EXOC5: variants seen among roughly 807,000 people sequenced by gnomAD.
EXOC5 encodes the protein SEC10-like 1.
A neutral mutation model predicts 90.8 loss-of-function variants in EXOC5; 17 were observed. The ratio of observed to expected loss-of-function variants is 0.19; its 90% CI spans 0.13 to 0.28. The LOEUF is 0.28. Ranked by LOEUF, EXOC5 falls within the 10% of genes least tolerant of loss-of-function variation. The pLI is 1.00. For synonymous variants in EXOC5, 260 were observed against 270.0 expected (o/e 0.96, Z 0.36); for missense variants, 569 against 830.6 (o/e 0.69, Z 3.87).
intron 15 of EXOC5, among the ~76,000 whole-genome samples, chr14:57,217,695 A>G (rs958928307): frequency 6.6e-6 from 1 of 152,164 alleles, no homozygotes; most frequent in African/African-American, 2.4e-5. Flanking sequence ...CTAAGTGTTC[A>G]ACTGAAAAAC....
intron 4 of EXOC5, among the ~76,000 whole-genome samples, chr14:57,240,914 A>G (rs577364496): frequency 2.6e-5 from 4 of 151,892 alleles, no homozygotes; most frequent in East Asian, 3.9e-4. Context: ...GTGCGGTGGC[A>G]TGATCTTGGC....
At chr14:57,232,427 G>A (rs1883513631) in intron 10 of EXOC5, 2 of 276,678 alleles carry the variant, frequency 7.2e-6, no homozygotes. Context: ...GCAGATAAAT[G>A]TAATTACACT....
Position 57,209,766 on chromosome 14 carries a change from C to A in EXOC5, c.1739G>T (p.Cys580Phe). ...IQYTNACVKV[C>F]AYVRKQVEKI... ...CTCCACTTGTTTTCTTACGTAAGCA[C>A]AGACTTTTACACAGGCCTATAAAAG... Residue 580 changes from cysteine (C) to phenylalanine (F), a missense_variant, in exon 17 of 18, where the codon TGT (cysteine) becomes TTT (phenylalanine). This residue lies in a region of EXOC5 where 122 missense variants were observed against 180.0 expected (regional missense o/e 0.68). Coordinates refer to ENST00000621441, the MANE Select transcript of EXOC5 (RefSeq NM_006544.4). 6.2e-7 allele frequency: 1 copy of A among 1,609,684 alleles called. No individual in the cohort carries two copies. Among genetic ancestry groups the A allele is most frequent in the South Asian group, 1.1e-5 (1 of 90,508 alleles).
intron 12 of EXOC5, among the ~76,000 whole-genome samples, chr14:57,225,313 T>C (rs186312639): frequency 3.4e-4 from 51 of 152,188 alleles, no homozygotes; most frequent in Admixed American, 2.1e-3. Flanking sequence ...CTCAGCTAAG[T>C]AGGATAAAAT....
chr14:57,264,433 C>T (rs1884609103), intron 1 of EXOC5, among the ~76,000 whole-genome samples: 1 of 152,124 alleles, frequency 6.6e-6, no homozygotes, highest in Non-Finnish European at 1.5e-5. Flanking sequence ...ATTTGGAAGT[C>T]AAACAGCCAT....
chr14:57,240,420 T>A (rs1883825932), intron 4 of EXOC5, among the ~76,000 whole-genome samples: 1 of 152,106 alleles, frequency 6.6e-6, no homozygotes, highest in African/African-American at 2.4e-5. Flanking sequence ...TAGCTGGGAT[T>A]ACAGGCGCAT....
At chr14:57,233,295 T>G (rs1327360244) in intron 9 of EXOC5, 2 of 154,420 alleles carry the variant, frequency 1.3e-5, no homozygotes, top group African/African-American at 4.8e-5. Context: ...GTAAACAGCT[T>G]AGGAAATGTT....
intron 1 of EXOC5, among the ~76,000 whole-genome samples, chr14:57,260,368 C>T (rs1404484577): frequency 1.3e-5 from 2 of 152,160 alleles, no homozygotes; most frequent in African/African-American, 4.8e-5. Flanking sequence ...ACAAACACTA[C>T]AAAATAAATA....
intron 13 of EXOC5, among the ~76,000 whole-genome samples, chr14:57,220,481 A>C (rs1218333820): frequency 1.3e-5 from 2 of 152,170 alleles, no homozygotes; most frequent in Admixed American, 1.3e-4. Context: ...GGCACACACA[A>C]ACAGTCCAGC....
intron 1 of EXOC5, among the ~76,000 whole-genome samples, chr14:57,254,088 C>T (rs925169820): frequency 1.3e-5 from 2 of 152,076 alleles, no homozygotes; most frequent in African/African-American, 4.8e-5. Context: ...GGGCTAAGGA[C>T]TGAACAGATG....
chr14:57,244,488 C>A, intron 3 of EXOC5, 129 bp from the exon 4 acceptor site: 2 of 690,514 alleles, frequency 2.9e-6, no homozygotes, highest in East Asian at 2.6e-5. Context: ...AATTCATGCT[C>A]ATTAGTGTGA....
intron 15 of EXOC5, among the ~76,000 whole-genome samples, chr14:57,210,918 C>T (rs1386016470): frequency 1.3e-5 from 2 of 152,114 alleles, no homozygotes; most frequent in African/African-American, 4.8e-5. Context: ...GAAAAGGTTA[C>T]TCTATCCTAT....
At chr14:57,227,197 C>T (rs1372574005) in intron 12 of EXOC5, among the ~76,000 whole-genome samples, 3 of 152,190 alleles carry the variant, frequency 2.0e-5, no homozygotes, top group East Asian at 3.9e-4. Context: ...TGAAAAGATG[C>T]TCAACATGAA....
intron 5 of EXOC5, among the ~76,000 whole-genome samples, chr14:57,238,409 C>CAT (rs1555328840): frequency 7.5e-5 from 11 of 146,772 alleles, no homozygotes; most frequent in African/African-American, 2.5e-4. Flanking sequence ...CACACACACA[C>CAT]ATATTCATAT....
intron 1 of EXOC5, among the ~76,000 whole-genome samples, chr14:57,250,302 G>C (rs1031770933): frequency 1.3e-5 from 2 of 152,106 alleles, no homozygotes; most frequent in African/African-American, 2.4e-5. Context: ...TGAGACTCCA[G>C]AGTTTATACC....
At chr14:57,240,848 T>G (rs1254369729) in intron 4 of EXOC5, among the ~76,000 whole-genome samples, 2 of 152,100 alleles carry the variant, frequency 1.3e-5, no homozygotes, top group African/African-American at 2.4e-5. Context: ...CAATATAGAT[T>G]TTTTTTATTT....
rs373149793 is a variant in EXOC5 at position 57,206,508 on chromosome 14, C to G, written c.*2101G>C. 8 of 151,272 alleles carry G rather than the reference C, an allele frequency of 5.3e-5. No individual in the cohort carries two copies. The South Asian group carries it at 8.4e-4, about 16-fold the overall frequency. 9.4% of individuals were successfully genotyped at this position (151,272 alleles called of 1,614,324 possible). ...CTGTGCTGTGAAAAATTTTAAAAATCTCAAATTTTTAAATAAAAAATCATT... is the reference window on the plus strand; with the variant it reads ...CTGTGCTGTGAAAAATTTTAAAAATGTCAAATTTTTAAATAAAAAATCATT... On this transcript the variant is annotated 3_prime_UTR_variant, in exon 18 of 18. Coordinates refer to ENST00000621441, the MANE Select transcript of EXOC5 (RefSeq NM_006544.4).
chr14:57,244,677 T>C (rs562113784), intron 3 of EXOC5, among the ~76,000 whole-genome samples: 1 of 152,162 alleles, frequency 6.6e-6, no homozygotes, highest in African/African-American at 2.4e-5. Flanking sequence ...CTGAAAACAA[T>C]TAGCTAAGTA....
intron 17 of EXOC5, among the ~76,000 whole-genome samples, chr14:57,209,131 AT>A (rs1882750082): frequency 6.6e-6 from 1 of 152,218 alleles, no homozygotes; most frequent in Admixed American, 6.5e-5. Flanking sequence ...TGAAGACAAC[AT>A]TTTTTTCCTA....
Sources: gnomAD v4.1 joint callset for allele counts (sites outside exome capture counted in the v4.1 genomes callset) on GRCh38, gnomAD v4.1.1 for gene constraint, gnomAD v4.1.1 regional missense constraint, MANE v1.5 for transcripts, NCBI Gene and HGNC (gene_info 2026-07-23, HGNC 2026-07-21) for gene names.